KCNN2: variants seen among roughly 807,000 people sequenced by gnomAD.
KCNN2 encodes the protein potassium calcium-activated channel subfamily N member 2.
A neutral mutation model predicts 55.5 loss-of-function variants in KCNN2; 24 were observed. That is an observed-to-expected ratio of 0.43 (90% CI 0.31 to 0.61). The LOEUF (loss-of-function observed/expected upper bound fraction) is 0.61, where lower values mean the gene tolerates loss of function less well. Ranked by LOEUF, KCNN2 falls within the 20% of genes least tolerant of loss-of-function variation. The pLI is 0.08. For synonymous variants in KCNN2, 431 were observed against 336.1 expected (o/e 1.28, Z -3.09); for missense variants, 754 against 853.6 (o/e 0.88, Z 1.45).
intron 1 of KCNN2, among the ~76,000 whole-genome samples, chr5:114,119,794 C>A (rs1346715747): frequency 1.3e-5 from 2 of 152,112 alleles, no homozygotes; most frequent in Admixed American, 1.3e-4. Context: ...GCCTTCATCA[C>A]TAAGCAAAGT....
At chr5:114,126,373 C>A (rs1751930295) in intron 1 of KCNN2, among the ~76,000 whole-genome samples, 1 of 152,044 alleles carries the variant, frequency 6.6e-6, no homozygotes, top group Admixed American at 6.5e-5. Context: ...ACAGTCATGG[C>A]AGAAGGGGAA....
intron 1 of KCNN2, among the ~76,000 whole-genome samples, chr5:114,118,028 G>T (rs1217400792): frequency 6.6e-6 from 1 of 152,156 alleles, no homozygotes; most frequent in African/African-American, 2.4e-5. Flanking sequence ...AGGTGGAAAG[G>T]CTGGCCTTGC....
At chr5:114,488,096 C>G (rs1189190784) in intron 6 of KCNN2, among the ~76,000 whole-genome samples, 1 of 152,186 alleles carries the variant, frequency 6.6e-6, no homozygotes, top group Non-Finnish European at 1.5e-5. Flanking sequence ...GTACCACTAA[C>G]ATTCTATAGG....
intron 4 of KCNN2, among the ~76,000 whole-genome samples, chr5:114,472,525 C>T (rs1030114616): frequency 2.8e-5 from 4 of 141,462 alleles, no homozygotes; most frequent in Non-Finnish European, 4.6e-5. Flanking sequence ...CTTCCTGTTA[C>T]GCTTCCTCTT....
At chr5:114,210,981 C>A (rs1385457096) in intron 1 of KCNN2, among the ~76,000 whole-genome samples, 1 of 152,000 alleles carries the variant, frequency 6.6e-6, no homozygotes, top group Non-Finnish European at 1.5e-5. Context: ...TATCACTGAT[C>A]ATTAGAGAAA....
intron 2 of KCNN2, among the ~76,000 whole-genome samples, chr5:114,267,028 CCT>C (rs1338687448): frequency 7.0e-6 from 1 of 143,576 alleles, no homozygotes; most frequent in Non-Finnish European, 1.5e-5. Flanking sequence ...ACGAAGTCTC[CCT>C]CTCTCTCCAG....
At chr5:114,071,191 C>T (rs1201978019) in intron 1 of KCNN2, among the ~76,000 whole-genome samples, 1 of 152,070 alleles carries the variant, frequency 6.6e-6, no homozygotes, top group Non-Finnish European at 1.5e-5. Context: ...CTGAAAGGTC[C>T]AGAGAATCAG....
rs982761925 is a variant in KCNN2 at position 114,383,163 on chromosome 5, G to T, written c.1218+19162G>T. On this transcript the variant is annotated intron_variant, in intron 2 of 7. Transcript: ENST00000673685. ...GAAGAACTGTTTAGCTGGGTTTTGT[G>T]CAGTTACCTGAAGGGTTTGCATAAG... Among the ~76,000 whole-genome samples, 4 of 152,094 alleles carry T rather than the reference G, an allele frequency of 2.6e-5. No individual in the cohort carries two copies. The East Asian group carries it at 7.7e-4, about 29-fold the overall frequency.
At chr5:114,443,724 G>A (rs10050725) in intron 3 of KCNN2, among the ~76,000 whole-genome samples, 61,759 of 152,094 alleles carry the variant, frequency 0.41, 14,335 homozygotes, top group East Asian at 0.81. Flanking sequence ...ATCTGTGAAG[G>A]CACGTGAAAT....
intron 2 of KCNN2, among the ~76,000 whole-genome samples, chr5:114,311,804 A>G (rs1467870670): frequency 1.3e-5 from 2 of 152,118 alleles, no homozygotes; most frequent in African/African-American, 4.8e-5. Flanking sequence ...TTGCTTTGCC[A>G]CCTTCTGTAT....
intron 1 of KCNN2, among the ~76,000 whole-genome samples, chr5:114,218,918 A>G (rs1754067777): frequency 6.6e-6 from 1 of 152,182 alleles, no homozygotes; most frequent in African/African-American, 2.4e-5. Context: ...TTGTTCACTC[A>G]GCCTACCACT....
intron 1 of KCNN2, among the ~76,000 whole-genome samples, chr5:114,134,458 G>T (rs983526152): frequency 4.4e-5 from 6 of 137,364 alleles, no homozygotes; most frequent in African/African-American, 1.1e-4. Context: ...ATCCAACCAT[G>T]ATTTATTTAT....
chr5:114,218,680 AC>A (rs1431732267), intron 1 of KCNN2, among the ~76,000 whole-genome samples: 31 of 152,298 alleles, frequency 2.0e-4, no homozygotes, highest in African/African-American at 7.0e-4. Context: ...TTTGTTCAAA[AC>A]CATAGAATGT....
intron 3 of KCNN2, among the ~76,000 whole-genome samples, chr5:114,437,006 GTTGT>G (rs1270808380): frequency 6.6e-6 from 1 of 151,934 alleles, no homozygotes; most frequent in Non-Finnish European, 1.5e-5. Flanking sequence ...TTATTTGTGG[GTTGT>G]TTTTTTCTTA....
intron 2 of KCNN2, among the ~76,000 whole-genome samples, chr5:114,347,357 C>T (rs1185021465): frequency 2.0e-5 from 3 of 152,208 alleles, no homozygotes; most frequent in Admixed American, 6.5e-5. Context: ...AAGTTAACAT[C>T]ACCAGTATTA....
At chr5:114,420,290 A>G (rs1298241716) in intron 3 of KCNN2, among the ~76,000 whole-genome samples, 4 of 152,272 alleles carry the variant, frequency 2.6e-5, no homozygotes, top group Non-Finnish European at 2.9e-5. Flanking sequence ...CTCTGCAAGC[A>G]TGTAAACTGA....
At chr5:114,469,062 A>G (rs992376621) in intron 4 of KCNN2, among the ~76,000 whole-genome samples, 1 of 152,214 alleles carries the variant, frequency 6.6e-6, no homozygotes, top group Admixed American at 6.5e-5. Flanking sequence ...ACAGTGGAGA[A>G]AAACACTACA....
intron 1 of KCNN2, among the ~76,000 whole-genome samples, chr5:114,064,453 C>G (rs1333624551): frequency 2.0e-5 from 3 of 152,142 alleles, no homozygotes; most frequent in Non-Finnish European, 4.4e-5. Flanking sequence ...TGAGGAAGCT[C>G]CAGCTAGCCT....
At chr5:114,386,885 C>A (rs1758306174) in intron 2 of KCNN2, among the ~76,000 whole-genome samples, 1 of 152,146 alleles carries the variant, frequency 6.6e-6, no homozygotes, top group Admixed American at 6.5e-5. Flanking sequence ...GGAGAACGCT[C>A]CTTAAGACGT....
Sources: allele counts gnomAD v4.1 joint callset (sites outside exome capture counted in the v4.1 genomes callset), GRCh38; gene constraint gnomAD v4.1.1; transcripts MANE v1.5; gene names NCBI Gene and HGNC (gene_info 2026-07-23, HGNC 2026-07-21).